ANK3: variants seen among roughly 807,000 people sequenced by gnomAD.
The protein encoded by ANK3 is ankyrin-3.
Under a neutral mutation model 370.9 loss-of-function variants are expected in ANK3, and 57 were observed. The ratio of observed to expected loss-of-function variants is 0.15; its 90% CI spans 0.12 to 0.19. The LOEUF (loss-of-function observed/expected upper bound fraction) is 0.19. Ranked by LOEUF, ANK3 falls within the 10% of genes least tolerant of loss-of-function variation. The pLI is 1.00. For missense variants in ANK3, 4,439 were observed against 5,302.1 expected (o/e 0.84, Z 5.06); for synonymous variants, 1,929 against 1,946.3 (o/e 0.99, Z 0.23).
At chr10:60,121,509 T>C (rs1300480918) in intron 25 of ANK3, among the ~76,000 whole-genome samples, 3 of 151,678 alleles carry the variant, frequency 2.0e-5, no homozygotes, top group Admixed American at 6.6e-5. Flanking sequence ...CTGGGCAACA[T>C]GGCAAAATTC....
chr10:60,677,362 AC>A (rs1336742621), intron 1 of ANK3, among the ~76,000 whole-genome samples: 15 of 152,350 alleles, frequency 9.8e-5, no homozygotes, highest in African/African-American at 3.4e-4. Flanking sequence ...AGAACATATT[AC>A]ATTTTTCTAG....
chr10:60,210,185 G>A (rs1471363595), intron 9 of ANK3, among the ~76,000 whole-genome samples: 2 of 152,132 alleles, frequency 1.3e-5, no homozygotes, highest in Non-Finnish European at 1.5e-5. Flanking sequence ...ACTCAACAAG[G>A]AAAAGTTCTT....
intron 2 of ANK3, among the ~76,000 whole-genome samples, chr10:60,575,337 TG>T (rs1287264556): frequency 2.8e-5 from 4 of 141,670 alleles, no homozygotes; most frequent in African/African-American, 9.9e-5. Context: ...GCTGGTTGGA[TG>T]GAAAAAAAAA....
At chr10:60,031,147 G>C (rs1054359303) in intron 43 of ANK3, among the ~76,000 whole-genome samples, 2 of 152,094 alleles carry the variant, frequency 1.3e-5, no homozygotes, top group African/African-American at 4.8e-5. Flanking sequence ...CTTTCAAAAG[G>C]AAGAAAAGCG....
At chr10:60,286,091 A>G (rs1046936883) in intron 1 of ANK3, among the ~76,000 whole-genome samples, 1 of 152,208 alleles carries the variant, frequency 6.6e-6, no homozygotes, top group African/African-American at 2.4e-5. Flanking sequence ...TGAACAGTTC[A>G]AAGAAAAATC....
intron 18 of ANK3, among the ~76,000 whole-genome samples, chr10:60,177,061 C>T (rs1296569220): frequency 6.6e-6 from 1 of 152,178 alleles, no homozygotes; most frequent in Non-Finnish European, 1.5e-5. Context: ...ATCCCAAGTG[C>T]CCAGCCATGC....
At chr10:60,343,000 G>A (rs1475689228) in intron 1 of ANK3, among the ~76,000 whole-genome samples, 1 of 151,792 alleles carries the variant, frequency 6.6e-6, no homozygotes, top group Non-Finnish European at 1.5e-5. Flanking sequence ...AAAACCTATA[G>A]AAAACACTTT....
chr10:60,500,085 C>T (rs1418398826), intron 2 of ANK3, among the ~76,000 whole-genome samples: 1 of 152,156 alleles, frequency 6.6e-6, no homozygotes, highest in African/African-American at 2.4e-5. Context: ...GCTCCTGCTG[C>T]ATCAATTATT....
chr10:60,487,284 G>A (rs768160550), intron 2 of ANK3, among the ~76,000 whole-genome samples: 16 of 152,292 alleles, frequency 1.1e-4, no homozygotes, highest in Middle Eastern at 3.4e-3. Context: ...GGAGTGGTAT[G>A]AAGGAAATAA....
At chr10:60,529,223 T>G (rs1012099368) in intron 2 of ANK3, among the ~76,000 whole-genome samples, 1 of 151,978 alleles carries the variant, frequency 6.6e-6, no homozygotes, top group Non-Finnish European at 1.5e-5. Context: ...GAAACAACAG[T>G]CATGTATATA....
chr10:60,727,795 CA>C (rs2079962973), intron 1 of ANK3, among the ~76,000 whole-genome samples: 1 of 151,914 alleles, frequency 6.6e-6, no homozygotes, highest in Non-Finnish European at 1.5e-5. Context: ...GAGACCTAAT[CA>C]ACTATTCTCA....
intron 2 of ANK3, among the ~76,000 whole-genome samples, chr10:60,480,829 C>T (rs7912663): frequency 0.095 from 14,476 of 152,172 alleles, 772 homozygotes; most frequent in South Asian, 0.17. Flanking sequence ...GATAGTAATG[C>T]CCTTTTTAGG....
intron 42 of ANK3, among the ~76,000 whole-genome samples, chr10:60,052,570 A>C (rs2078285505): frequency 6.6e-6 from 1 of 152,170 alleles, no homozygotes; most frequent in Non-Finnish European, 1.5e-5. Flanking sequence ...CAAAATATTA[A>C]TTTTTAGGCA....
intron 1 of ANK3, among the ~76,000 whole-genome samples, chr10:60,334,380 G>A (rs921147670): frequency 4.6e-5 from 7 of 151,878 alleles, no homozygotes; most frequent in Admixed American, 1.3e-4. Flanking sequence ...CCTTCCCCCC[G>A]CACCTCATAA....
intron 2 of ANK3, among the ~76,000 whole-genome samples, chr10:60,548,439 G>A (rs994385006): frequency 1.1e-4 from 17 of 151,356 alleles, no homozygotes; most frequent in Middle Eastern, 3.4e-3. Context: ...TAGTAGAGAC[G>A]GGGTTTCGCT....
At chr10:60,300,148 G>T (rs1257946685) in intron 1 of ANK3, among the ~76,000 whole-genome samples, 1 of 152,146 alleles carries the variant, frequency 6.6e-6, no homozygotes, top group Non-Finnish European at 1.5e-5. Flanking sequence ...GAACAAAACA[G>T]AAAGGACAGT....
chr10:60,178,735 C>G (rs2132334983), intron 18 of ANK3, among the ~76,000 whole-genome samples: 1 of 152,320 alleles, frequency 6.6e-6, no homozygotes, highest in South Asian at 2.1e-4. Flanking sequence ...AGTGTAACTC[C>G]TGATCCCTAA....
chr10:60,322,736 C>T (rs1292575529), intron 1 of ANK3, among the ~76,000 whole-genome samples: 1 of 152,062 alleles, frequency 6.6e-6, no homozygotes, highest in Non-Finnish European at 1.5e-5. Flanking sequence ...ATAAAATTGT[C>T]TGGATACAAA....
intron 27 of ANK3, among the ~76,000 whole-genome samples, chr10:60,107,361 T>C (rs923889505): frequency 2.0e-5 from 3 of 152,194 alleles, no homozygotes; most frequent in African/African-American, 7.2e-5. Flanking sequence ...ATATGTCAGA[T>C]ACTGTCTCTG....
Sources: gnomAD v4.1 joint callset for allele counts (sites outside exome capture counted in the v4.1 genomes callset) on GRCh38, gnomAD v4.1.1 for gene constraint, MANE v1.5 for transcripts, NCBI Gene and HGNC (gene_info 2026-07-23, HGNC 2026-07-21) for gene names.